Variants in ROBO2 observed in about 807,000 individuals in gnomAD.
The protein encoded by ROBO2 is roundabout homolog 2.
In ROBO2, 53 loss-of-function variants were observed where a neutral mutation model predicts 160.8. That is an observed-to-expected ratio of 0.33 (90% CI 0.26 to 0.41). The LOEUF (loss-of-function observed/expected upper bound fraction) is 0.41, where lower values mean the gene tolerates loss of function less well. ROBO2 is among the 10% of genes least tolerant of loss of function. The pLI, the probability that ROBO2 is intolerant of heterozygous loss-of-function variation, is 1.00. For synonymous variants in ROBO2, 664 were observed against 611.7 expected (o/e 1.09, Z -1.26); for missense variants, 1,577 against 1,722.4 (o/e 0.92, Z 1.49).
chr3:77,149,028 A>G (rs2077341752), intron 2 of ROBO2, among the ~76,000 whole-genome samples: 1 of 142,718 alleles, frequency 7.0e-6, no homozygotes, highest in Non-Finnish European at 1.5e-5. Flanking sequence ...CTTGGAGACA[A>G]AGTAAATTTT....
chr3:77,586,934 C>G (rs111578625), intron 16 of ROBO2, among the ~76,000 whole-genome samples: 2 of 151,098 alleles, frequency 1.3e-5, no homozygotes, highest in Non-Finnish European at 2.9e-5. Context: ...ACATAAATGA[C>G]GCTGGTTTTT....
At chr3:76,262,580 C>A (rs1474935518) in intron 2 of ROBO2, among the ~76,000 whole-genome samples, 1 of 152,122 alleles carries the variant, frequency 6.6e-6, no homozygotes, top group Admixed American at 6.6e-5. Context: ...GGTCCCCCTA[C>A]TTATATACTT....
At chr3:77,630,907 C>T (rs116020775) in intron 23 of ROBO2, 212 of 151,028 alleles carry the variant, frequency 1.4e-3, no homozygotes, top group African/African-American at 5.1e-3. Context: ...AACTATCCTC[C>T]GTTCCAGAGT....
At position 76,436,291 on chromosome 3, in the gene ROBO2, G is replaced by A. The variant is rs151238298; in HGVS notation, c.109+498689G>A. Among the ~76,000 whole-genome samples, 25 of 152,128 alleles carry A rather than the reference G, an allele frequency of 1.6e-4. No individual in the cohort carries two copies. In the East Asian group the frequency reaches 4.5e-3, roughly 27 times the overall value. On this transcript the variant is annotated intron_variant, in intron 2 of 26. Coordinates refer to the ROBO2 transcript ENST00000487694. ...ATGTATACATGTGCCATGCTGGTGCGCTGCACCATACACACACCATTTCAA... is the reference window on the plus strand; with the variant it reads ...ATGTATACATGTGCCATGCTGGTGCACTGCACCATACACACACCATTTCAA...
intron 2 of ROBO2, among the ~76,000 whole-genome samples, chr3:76,567,743 T>TTATATATA (rs574478628): frequency 2.8e-5 from 3 of 106,046 alleles, no homozygotes; most frequent in Non-Finnish European, 5.3e-5. Flanking sequence ...ATATACTGTT[T>TTATATATA]TATATATATA....
At chr3:76,928,252 T>A (rs1040687142) in intron 2 of ROBO2, among the ~76,000 whole-genome samples, 12 of 151,936 alleles carry the variant, frequency 7.9e-5, no homozygotes, top group Non-Finnish European at 5.9e-5. Context: ...ACTCTAGAAG[T>A]CAGAACCAGC....
intron 2 of ROBO2, among the ~76,000 whole-genome samples, chr3:76,741,985 G>C (rs1170316219): frequency 1.3e-5 from 2 of 151,976 alleles, no homozygotes; most frequent in African/African-American, 2.4e-5. Context: ...GTCAGGATTT[G>C]ACATCATCCC....
At chr3:76,254,856 C>A (rs929209469) in intron 2 of ROBO2, among the ~76,000 whole-genome samples, 1 of 151,862 alleles carries the variant, frequency 6.6e-6, no homozygotes, top group Non-Finnish European at 1.5e-5. Context: ...CAAATTATTA[C>A]CATTGGAAGC....
chr3:76,672,210 C>A (rs1168140925), intron 2 of ROBO2, among the ~76,000 whole-genome samples: 2 of 151,854 alleles, frequency 1.3e-5, no homozygotes, highest in East Asian at 3.9e-4. Flanking sequence ...AATTTCAGAA[C>A]CCACATTTAC....
intron 2 of ROBO2, among the ~76,000 whole-genome samples, chr3:75,959,473 T>A (rs1472346432): frequency 6.6e-6 from 1 of 151,742 alleles, no homozygotes; most frequent in African/African-American, 2.4e-5. Flanking sequence ...AGGATGGAGC[T>A]ACAGCGTAAA....
At chr3:76,932,224 T>C (rs1362793742) in intron 2 of ROBO2, among the ~76,000 whole-genome samples, 2 of 152,090 alleles carry the variant, frequency 1.3e-5, no homozygotes, top group East Asian at 3.8e-4. Context: ...ATTTTTACAA[T>C]AAGAGAAAAA....
chr3:77,156,448 A>G (rs564286623), intron 2 of ROBO2, among the ~76,000 whole-genome samples: 4 of 152,030 alleles, frequency 2.6e-5, no homozygotes, highest in African/African-American at 9.7e-5. Context: ...TGAATGTGCT[A>G]TTGTACCTAT....
intron 2 of ROBO2, among the ~76,000 whole-genome samples, chr3:77,022,306 G>T (rs562283601): frequency 1.1e-4 from 16 of 152,294 alleles, no homozygotes; most frequent in Admixed American, 7.8e-4. Flanking sequence ...TGACGCGGAG[G>T]TTGCAGTGAG....
At chr3:75,998,656 TC>T (rs1335774683) in intron 2 of ROBO2, among the ~76,000 whole-genome samples, 1 of 152,202 alleles carries the variant, frequency 6.6e-6, no homozygotes, top group Non-Finnish European at 1.5e-5. Context: ...TCAGTTTCTA[TC>T]AGCATGCAGC....
At chr3:76,940,051 G>T (rs913554266) in intron 2 of ROBO2, among the ~76,000 whole-genome samples, 1 of 140,442 alleles carries the variant, frequency 7.1e-6, no homozygotes, top group African/African-American at 2.7e-5. Flanking sequence ...GCGCTACCTC[G>T]GCTCACTGCA....
chr3:76,141,274 A>G (rs1338971820), intron 2 of ROBO2, among the ~76,000 whole-genome samples: 1 of 145,648 alleles, frequency 6.9e-6, no homozygotes, highest in East Asian at 2.0e-4. Context: ...GGAAGAAGCG[A>G]TAGCCAATTT....
At chr3:77,563,907 A>T (rs1331512887) in intron 11 of ROBO2, among the ~76,000 whole-genome samples, 1 of 152,148 alleles carries the variant, frequency 6.6e-6, no homozygotes, top group Non-Finnish European at 1.5e-5. Flanking sequence ...ATTGTTGCCA[A>T]TTTAAAGATT....
At chr3:76,067,377 T>C (rs925957543) in intron 2 of ROBO2, among the ~76,000 whole-genome samples, 1 of 152,194 alleles carries the variant, frequency 6.6e-6, no homozygotes, top group African/African-American at 2.4e-5. Context: ...AGGAAACTTT[T>C]TGAACAAATG....
intron 2 of ROBO2, among the ~76,000 whole-genome samples, chr3:76,453,847 C>T (rs2077606497): frequency 1.3e-5 from 2 of 151,970 alleles, no homozygotes; most frequent in East Asian, 1.9e-4. Flanking sequence ...AAATAGCTCC[C>T]CAATTAAAGC....
Sources: allele counts gnomAD v4.1 joint callset (sites outside exome capture counted in the v4.1 genomes callset), GRCh38; gene constraint gnomAD v4.1.1; transcripts MANE v1.5; gene names NCBI Gene and HGNC (gene_info 2026-07-23, HGNC 2026-07-21).